The following OR1J2 variants were observed in gnomAD, a reference collection of about 807,000 sequenced individuals.
OR1J2 encodes the protein olfactory receptor family 1 subfamily J member 2.
For synonymous variants in OR1J2, 142 were observed against 99.7 expected (o/e 1.42, Z -2.52); for missense variants, 304 against 246.1 (o/e 1.24, Z -1.57).
the OR1J2 span, chr9:122,476,981 T>C: frequency 1.3e-6 from 2 of 1,524,296 alleles, no homozygotes; most frequent in Non-Finnish European, 1.8e-6. Context: ...GTGTTGAGAT[T>C]ACAGGCATGA....
chr9:122,519,038 C>G, the OR1J2 span: 3 of 760,444 alleles, frequency 3.9e-6, no homozygotes, highest in Non-Finnish European at 6.6e-6. Flanking sequence ...GCATATTCAT[C>G]AGTAGCAAGG....
upstream of OR1J2, among the ~76,000 whole-genome samples, chr9:122,507,563 T>C (rs1268923860): frequency 1.3e-5 from 2 of 152,136 alleles, no homozygotes; most frequent in African/African-American, 4.8e-5. Flanking sequence ...CCCTCCCTGG[T>C]AAGTAGTGCC....
At chr9:122,519,573 G>T in the OR1J2 span, 1 of 1,614,090 alleles carries the variant, frequency 6.2e-7, no homozygotes, top group Non-Finnish European at 8.5e-7. Context: ...TAACTTACTA[G>T]TCACTGTGTC....
chr9:122,482,490 C>T, the OR1J2 span, among the ~76,000 whole-genome samples: 8 of 152,114 alleles, frequency 5.3e-5, no homozygotes, highest in Non-Finnish European at 5.9e-5. Context: ...ATAGAACTAC[C>T]ATATGATCCA....
the OR1J2 span, chr9:122,554,013 A>G: frequency 1.2e-6 from 2 of 1,613,578 alleles, no homozygotes; most frequent in Non-Finnish European, 1.7e-6. Flanking sequence ...TCCTCCATCA[A>G]CTTACTCTAC....
chr9:122,464,169 A>C, the OR1J2 span, among the ~76,000 whole-genome samples: 14 of 152,066 alleles, frequency 9.2e-5, no homozygotes, highest in Non-Finnish European at 1.6e-4. Flanking sequence ...TTATGTTCCC[A>C]GGGGAATTAT....
chr9:122,511,251 T>C lies in OR1J2; in HGVS notation c.450T>C (p.Ile150=). The change falls in exon 1 of 1, where the codon ATT becomes ATC. Residue 150 remains isoleucine (I), a synonymous_variant. Transcript: ENST00000335302. ...LCVFLVAVSW[I]LSCASSLSHT... is the part of the protein sequence containing the mutation. ...TCTTCTTAGTGGCTGTATCTTGGAT[T>C]CTGTCTTGTGCCAGCTCCCTCTCTC... 1.3e-6 allele frequency: 1 copy of C among 757,550 alleles called. No homozygotes were observed. The highest frequency in any genetic ancestry group is 2.5e-6 in the Non-Finnish European group (1 of 407,848). 46.9% of individuals were successfully genotyped at this position (757,550 alleles called of 1,614,324 possible).
chr9:122,480,545 C>T, the OR1J2 span, among the ~76,000 whole-genome samples: 2 of 134,110 alleles, frequency 1.5e-5, no homozygotes, highest in African/African-American at 6.2e-5. Context: ...ATTTCATCAC[C>T]CAGGTATTTC....
the OR1J2 span, among the ~76,000 whole-genome samples, chr9:122,538,186 T>C: frequency 6.7e-6 from 1 of 148,616 alleles, no homozygotes; most frequent in Non-Finnish European, 1.5e-5. Flanking sequence ...CAAGTTCCCT[T>C]ATCTGTGCCT....
At chr9:122,552,749 AGTGTGTGTGTGTGTGTGTGTGTGT>A in the OR1J2 span, among the ~76,000 whole-genome samples, 16 of 129,700 alleles carry the variant, frequency 1.2e-4, no homozygotes, top group Non-Finnish European at 1.9e-4. Context: ...AGAGGGCTTG[AGTGTGTGTGTGTGTGTGTGTGTGT>A]GTGTGTGTGT....
the OR1J2 span, chr9:122,477,788 G>C: frequency 6.2e-7 from 1 of 1,614,018 alleles, no homozygotes; most frequent in Non-Finnish European, 8.5e-7. Context: ...TGGATGAGCA[G>C]CATGATGAGC....
chr9:122,478,810 C>CG, the OR1J2 span, among the ~76,000 whole-genome samples: 1 of 152,238 alleles, frequency 6.6e-6, no homozygotes, highest in East Asian at 1.9e-4. Context: ...GACAGAGTCT[C>CG]GCTCTGTTGC....
chr9:122,543,562 A>G, the OR1J2 span, among the ~76,000 whole-genome samples: 1 of 152,244 alleles, frequency 6.6e-6, no homozygotes, highest in South Asian at 2.1e-4. Context: ...TAGGAGGTAA[A>G]TTGTAATATT....
At chr9:122,553,758 G>A in the OR1J2 span, 5 of 1,614,014 alleles carry the variant, frequency 3.1e-6, no homozygotes, top group South Asian at 4.4e-5. Flanking sequence ...TTTCTATTGT[G>A]ATCCTAGTGC....
chr9:122,531,173 G>A, the OR1J2 span, among the ~76,000 whole-genome samples: 1 of 152,182 alleles, frequency 6.6e-6, no homozygotes, highest in South Asian at 2.1e-4. Flanking sequence ...GAGAGATTAA[G>A]CTGAAGGAAG....
the OR1J2 span, among the ~76,000 whole-genome samples, chr9:122,558,620 C>T: frequency 6.6e-6 from 1 of 151,320 alleles, no homozygotes; most frequent in African/African-American, 2.4e-5. Context: ...ATTAGTTTTC[C>T]CATTGGGAAG....
the OR1J2 span, among the ~76,000 whole-genome samples, chr9:122,561,101 CT>C: frequency 3.9e-5 from 6 of 152,088 alleles, no homozygotes; most frequent in Non-Finnish European, 8.8e-5. Context: ...GATATTCTTT[CT>C]TCTGTTTGAT....
chr9:122,511,304 T>C lies in OR1J2; in HGVS notation c.503T>C (p.Phe168Ser). 1 of 732,034 alleles carries C rather than the reference T, an allele frequency of 1.4e-6. No homozygotes were observed. The highest frequency in any genetic ancestry group is 1.5e-5 in the South Asian group (1 of 64,692). The allele number at this position is 732,034 out of a possible 1,614,324, so 45.3% of individuals were successfully genotyped here. Residue 168 changes from phenylalanine to serine, a missense_variant, in exon 1 of 1, where the codon TTC becomes TCC. By Grantham distance (155) the Phe-to-Ser change is radical. Coordinates refer to ENST00000335302, the MANE Select transcript of OR1J2 (RefSeq NM_054107.1). Reference sequence around the variant, plus strand: ...ACCCTTCTCCTGACCCGGCTGTCTTTCTGTGCTGCGAACACCATCCCCCAT... The same window carrying C: ...ACCCTTCTCCTGACCCGGCTGTCTTCCTGTGCTGCGAACACCATCCCCCAT... ...SHTLLLTRLSFCAANTIPHVF... is the reference protein window; with the variant it reads ...SHTLLLTRLSSCAANTIPHVF...
chr9:122,475,718 A>G, the OR1J2 span: 2 of 152,166 alleles, frequency 1.3e-5, no homozygotes, highest in African/African-American at 4.8e-5. Flanking sequence ...TGAAACTTCC[A>G]ATTTAACATC....
Sources: allele counts gnomAD v4.1 joint callset (sites outside exome capture counted in the v4.1 genomes callset), GRCh38; gene constraint gnomAD v4.1.1; transcripts MANE v1.5; gene names NCBI Gene and HGNC (gene_info 2026-07-23, HGNC 2026-07-21).